LAP3: variants seen among roughly 807,000 people sequenced by gnomAD.
The protein encoded by LAP3 is cytosol aminopeptidase.
LAP3 carries 46 observed loss-of-function variants against 58.8 expected under a neutral mutation model. The ratio of observed to expected loss-of-function variants is 0.78; its 90% CI spans 0.62 to 1.00. The LOEUF is 1.00. Among genes scored for constraint, LAP3 ranks in the 50% least tolerant of loss-of-function variants. The pLI is 0.00. For missense variants in LAP3, 615 were observed against 659.1 expected (o/e 0.93, Z 0.73); for synonymous variants, 257 against 237.7 (o/e 1.08, Z -0.75).
chr4:17,607,884 T>C lies in LAP3; in HGVS notation c.*295T>C, dbSNP rs1403025226. On this transcript the variant is annotated 3_prime_UTR_variant, in exon 13 of 13. Transcript: ENST00000226299. ...TGTTTTTCATTGAGAAGCAAAATTG[T>C]AACTCAGATTTGTGATGCTAGGAAC... 4.5e-6 allele frequency: 1 copy of C among 222,320 alleles called. No individual in the cohort carries two copies. The highest frequency in any genetic ancestry group is 2.3e-5 in the African/African-American group (1 of 43,786). The allele number at this position is 222,320 out of a possible 1,614,324, so 13.8% of individuals were successfully genotyped here. A position where few individuals can be genotyped will look rare whatever the true frequency, so the allele number is the denominator to read the frequency against.
chr4:17,597,222 G>C lies in LAP3; in HGVS notation c.1077+88G>C. On this transcript the variant is annotated intron_variant, in intron 9 of 12. Coordinates refer to ENST00000226299, the MANE Select transcript of LAP3 (RefSeq NM_015907.3). ...CATAACCACAGCTAGGATGCGTGCA[G>C]AGCCCCAGAACCATATTAGGGGAGG... The C allele has an allele frequency of 3.7e-6, 4 of 1,072,604 alleles. No individual in the cohort carries two copies. The South Asian group carries it at 5.1e-5, about 14-fold the overall frequency. 66.4% of individuals were successfully genotyped at this position (1,072,604 alleles called of 1,614,324 possible). A position where few individuals can be genotyped will look rare whatever the true frequency, so the allele number is the denominator to read the frequency against.
intron 4 of LAP3, among the ~76,000 whole-genome samples, chr4:17,583,109 C>T (rs1048941681): frequency 1.3e-5 from 2 of 152,142 alleles, no homozygotes; most frequent in Admixed American, 6.5e-5. Context: ...ATAATTTCAG[C>T]GTCATCATTT....
At position 17,591,373 on chromosome 4, in the gene LAP3, T is replaced by G. The variant is rs1283675891; in HGVS notation, c.863+2396T>G. ...GGCCAGGCTCGTCTCAAACTCCTGA[T>G]CTCGTGATCCCCCCACCTTGGCCTC... On this transcript the variant is annotated intron_variant, in intron 7 of 12. Coordinates refer to ENST00000226299, the MANE Select transcript of LAP3 (RefSeq NM_015907.3). 2.6e-5 allele frequency among the ~76,000 whole-genome samples: 4 copies of G among 151,936 alleles called. No homozygotes were observed. In the East Asian group the frequency reaches 7.8e-4, roughly 29 times the overall value.
chr4:17,595,829 C>T (rs1434985129), intron 8 of LAP3, among the ~76,000 whole-genome samples: 4 of 152,046 alleles, frequency 2.6e-5, no homozygotes, highest in Non-Finnish European at 5.9e-5. Flanking sequence ...ATGAAACTTG[C>T]TGGGTACTTG....
intron 7 of LAP3, among the ~76,000 whole-genome samples, chr4:17,594,227 G>A (rs979074907): frequency 6.6e-6 from 1 of 152,330 alleles, no homozygotes; most frequent in Admixed American, 6.5e-5. Flanking sequence ...ACTTCCAGAA[G>A]AGGCCTGCAG....
At chr4:17,589,304 G>A (rs993995244) in intron 7 of LAP3, among the ~76,000 whole-genome samples, 9 of 151,830 alleles carry the variant, frequency 5.9e-5, no homozygotes, top group Admixed American at 1.3e-4. Flanking sequence ...CAAGTGATCC[G>A]CCCACCTCAG....
At chr4:17,586,458 A>G (rs915856658) in intron 6 of LAP3, among the ~76,000 whole-genome samples, 4 of 152,244 alleles carry the variant, frequency 2.6e-5, no homozygotes, top group Admixed American at 2.6e-4. Context: ...TTTAATCTAT[A>G]GCAATGTTTA....
chr4:17,607,628 GGACAGTT>G lies in LAP3; in HGVS notation c.*42_*48del, dbSNP rs1458560903. 1.4e-6 allele frequency: 2 copies of G among 1,446,338 alleles called. No homozygotes were observed. The highest frequency in any genetic ancestry group is 1.9e-6 in the Non-Finnish European group (2 of 1,073,634). The allele number at this position is 1,446,338 out of a possible 1,614,324, so 89.6% of individuals were successfully genotyped here. ...AAATGTCTTCACTCTGTCTTAAATT[GGACAGTT>G]GAACTTAAAAGGTTTTTGAATAAAT... is the stretch of plus-strand genomic sequence containing the variant. On this transcript the variant is annotated 3_prime_UTR_variant, in exon 13 of 13. Coordinates refer to ENST00000226299, the MANE Select transcript of LAP3 (RefSeq NM_015907.3).
intron 2 of LAP3, among the ~76,000 whole-genome samples, chr4:17,580,184 A>ATATATATATATATATATATATGTAT (rs548745392): frequency 2.5e-5 from 1 of 40,230 alleles, no homozygotes; most frequent in African/African-American, 1.3e-4. Flanking sequence ...ATATATATGT[A>ATATATATATATATATATATATGTAT]TTTTTTTTTT....
At chr4:17,583,859 C>T (rs539302033) in intron 5 of LAP3, among the ~76,000 whole-genome samples, 1 of 152,340 alleles carries the variant, frequency 6.6e-6, no homozygotes, top group South Asian at 2.1e-4. Flanking sequence ...GACTCCCTGA[C>T]CCCTCCCTGC....
intron 2 of LAP3, 76 bp from the exon 3 acceptor site, chr4:17,581,684 C>T (rs899375696): frequency 2.0e-5 from 21 of 1,060,322 alleles, no homozygotes; most frequent in Admixed American, 1.6e-4. Flanking sequence ...GTGATAATGC[C>T]GAGTATGTAA....
At position 17,594,897 on chromosome 4, in the gene LAP3, G is replaced by A. The variant is rs545383364; in HGVS notation, c.864-513G>A. Among the ~76,000 whole-genome samples, 373 of 152,236 alleles carry A rather than the reference G, an allele frequency of 2.5e-3. 1 individual carries two copies. The highest frequency in any genetic ancestry group is 3.7e-3 in the Non-Finnish European group (249 of 68,022). On this transcript the variant is annotated intron_variant, in intron 7 of 12. Coordinates refer to ENST00000226299, the MANE Select transcript of LAP3 (RefSeq NM_015907.3). ...AAAATTTGCTGAATAGACTATGTGGGTGTCAGGAGTTAATCAGACAATACA... is the reference window on the plus strand; with the variant it reads ...AAAATTTGCTGAATAGACTATGTGGATGTCAGGAGTTAATCAGACAATACA...
chr4:17,577,501 A>G lies in LAP3; in HGVS notation c.36A>G (p.Val12=). 2 of 1,584,202 alleles carry G rather than the reference A, an allele frequency of 1.3e-6. No homozygotes were observed. The highest frequency in any genetic ancestry group is 1.7e-6 in the Non-Finnish European group (2 of 1,167,168). The change falls in exon 1 of 13, where the codon GTA becomes GTG. Residue 12 remains valine, a synonymous_variant. Transcript: ENST00000226299. ...FLLPLPAAGR[V]VVRRLAVRRF... ...TGCCTCTTCCGGCTGCGGGGCGAGT[A>G]GTCGTCCGACGTCTGGCCGTGAGAC...
rs1714176618 is a variant in LAP3, at chr4:17,607,594, GAT to G, written c.*7_*8del. 23 of 1,596,180 alleles carry G rather than the reference GAT, an allele frequency of 1.4e-5. No homozygotes were observed. The highest frequency in any genetic ancestry group is 2.0e-5 in the Non-Finnish European group (23 of 1,172,422). ...TTCAGTCAAGACAATGCTTAGTTCA[GAT>G]ACTCAAAAATGTCTTCACTCTGTCT... is the stretch of plus-strand genomic sequence containing the variant. On this transcript the variant is annotated 3_prime_UTR_variant, in exon 13 of 13. Coordinates refer to ENST00000226299, the MANE Select transcript of LAP3 (RefSeq NM_015907.3).
At chr4:17,595,295 C>T in intron 7 of LAP3, 115 bp from the exon 8 acceptor site, 2 of 1,223,804 alleles carry the variant, frequency 1.6e-6, no homozygotes, top group Non-Finnish European at 2.3e-6. Flanking sequence ...ACCTCGGCCT[C>T]CCAAAGTGCT....
At chr4:17,581,293 G>T (rs1713355170) in intron 2 of LAP3, among the ~76,000 whole-genome samples, 1 of 152,224 alleles carries the variant, frequency 6.6e-6, no homozygotes, top group Non-Finnish European at 1.5e-5. Context: ...GATTCATTCG[G>T]TTCAGCGTCA....
At chr4:17,591,974 G>GC (rs1034507248) in intron 7 of LAP3, among the ~76,000 whole-genome samples, 1 of 147,936 alleles carries the variant, frequency 6.8e-6, no homozygotes, top group Non-Finnish European at 1.5e-5. Context: ...TGTGCACCTT[G>GC]GGGGGGTGCA....
chr4:17,606,972 A>G (rs776807411), intron 12 of LAP3, 34 bp downstream of exon 12: 16 of 1,351,448 alleles, frequency 1.2e-5, no homozygotes, highest in African/African-American at 4.3e-5. Context: ...CATTTATACA[A>G]TCATCCTTGA....
chr4:17,583,285 G>C (rs966025476), intron 4 of LAP3, 198 bp from the exon 5 acceptor site: 2 of 618,084 alleles, frequency 3.2e-6, no homozygotes, highest in Non-Finnish European at 5.7e-6. Flanking sequence ...CCACCACCTG[G>C]GAGTGAGGTA....
Sources: gnomAD v4.1 joint callset for allele counts (sites outside exome capture counted in the v4.1 genomes callset) on GRCh38, gnomAD v4.1.1 for gene constraint, MANE v1.5 for transcripts, NCBI Gene and HGNC (gene_info 2026-07-23, HGNC 2026-07-21) for gene names.